The following BMPR1B variants were observed in gnomAD, a reference collection of about 807,000 sequenced individuals.
BMPR1B encodes the protein bone morphogenetic protein receptor type 1B, also known as bone morphogenetic protein receptor type-1B.
BMPR1B carries 12 observed loss-of-function variants against 59.1 expected under a neutral mutation model. The observed-to-expected ratio is 0.20, with a 90% CI of 0.13 to 0.33. BMPR1B has a LOEUF of 0.33. BMPR1B is among the 10% of genes least tolerant of loss of function. The pLI, the probability that BMPR1B is intolerant of heterozygous loss-of-function variation, is 1.00. For missense variants in BMPR1B, 550 were observed against 610.9 expected, an observed-to-expected ratio of 0.90 and a Z score of 1.05; for synonymous variants, 237 against 207.3, an observed-to-expected ratio of 1.14 and a Z score of -1.23.
intron 1 of BMPR1B, among the ~76,000 whole-genome samples, chr4:94,797,781 C>T (rs1723252106): frequency 6.6e-6 from 1 of 152,142 alleles, no homozygotes; most frequent in Admixed American, 6.5e-5. Flanking sequence ...TTAGCAAGTA[C>T]TCTAGATGAT....
At chr4:94,942,542 TA>T (rs1729558011) in intron 2 of BMPR1B, among the ~76,000 whole-genome samples, 1 of 152,110 alleles carries the variant, frequency 6.6e-6, no homozygotes. Flanking sequence ...GGCAGCAAAT[TA>T]AATAAGAGTT....
At chr4:94,832,700 T>C (rs1724648482) in intron 1 of BMPR1B, among the ~76,000 whole-genome samples, 1 of 152,160 alleles carries the variant, frequency 6.6e-6, no homozygotes, top group African/African-American at 2.4e-5. Flanking sequence ...GGAGAATTCC[T>C]TGAACTCAGG....
In BMPR1B at chr4:94,837,368, G is replaced by A. The variant is rs1053150074; in HGVS notation, c.-182-38463G>A. On this transcript the variant is annotated intron_variant, in intron 1 of 12. Transcript: ENST00000515059. ...CCTTGGGCAGTATGGCCATTTTCAC[G>A]ATATTGATTCTTCCTACCCATGAGA... Among the ~76,000 whole-genome samples, 146 of 145,714 alleles carry A rather than the reference G, an allele frequency of 1.0e-3. 4 individuals are homozygous for A. Among genetic ancestry groups the A allele is most frequent in the Non-Finnish European group, 1.9e-3 (124 of 65,676 alleles).
At chr4:95,054,658 G>A (rs1201738810) in intron 3 of BMPR1B, among the ~76,000 whole-genome samples, 1 of 152,116 alleles carries the variant, frequency 6.6e-6, no homozygotes. Flanking sequence ...ATAGTGCAAT[G>A]TGTAAACAGT....
intron 3 of BMPR1B, among the ~76,000 whole-genome samples, chr4:95,060,265 A>G (rs1179956893): frequency 6.6e-6 from 1 of 152,026 alleles, no homozygotes; most frequent in Admixed American, 6.6e-5. Context: ...AATAAAGTTC[A>G]GTTTATTCTT....
At chr4:95,004,384 TA>T (rs1362589640) in intron 3 of BMPR1B, among the ~76,000 whole-genome samples, 1 of 152,208 alleles carries the variant, frequency 6.6e-6, no homozygotes, top group Non-Finnish European at 1.5e-5. Context: ...CTAGAACATT[TA>T]AAATTAAATT....
intron 1 of BMPR1B, among the ~76,000 whole-genome samples, chr4:94,808,027 C>T (rs1439588668): frequency 6.6e-6 from 1 of 151,978 alleles, no homozygotes; most frequent in African/African-American, 2.4e-5. Flanking sequence ...TTTTTTTTTC[C>T]AGTGCAACAT....
At chr4:94,812,088 A>C (rs1723839011) in intron 1 of BMPR1B, among the ~76,000 whole-genome samples, 2 of 152,178 alleles carry the variant, frequency 1.3e-5, no homozygotes, top group Admixed American at 6.5e-5. Flanking sequence ...TCTGCTTGCC[A>C]GAGGACATTG....
intron 4 of BMPR1B, among the ~76,000 whole-genome samples, chr4:95,109,876 A>G (rs1731502426): frequency 9.9e-6 from 1 of 101,202 alleles, no homozygotes; most frequent in Non-Finnish European, 1.9e-5. Flanking sequence ...CCACCCCACA[A>G]CAGTCCCCGG....
At chr4:94,903,232 G>A (rs1383834498) in intron 2 of BMPR1B, among the ~76,000 whole-genome samples, 1 of 152,048 alleles carries the variant, frequency 6.6e-6, no homozygotes, top group East Asian at 1.9e-4. Flanking sequence ...AGCTACCTTT[G>A]TTTGAAAAGT....
At chr4:94,958,303 G>A (rs543357533) in intron 2 of BMPR1B, among the ~76,000 whole-genome samples, 21 of 152,250 alleles carry the variant, frequency 1.4e-4, no homozygotes, top group African/African-American at 4.8e-4. Flanking sequence ...TATACTGTCT[G>A]GGCATATGGC....
intron 2 of BMPR1B, among the ~76,000 whole-genome samples, chr4:94,953,357 G>A (rs769918987): frequency 5.9e-5 from 9 of 152,118 alleles, no homozygotes; most frequent in Non-Finnish European, 1.0e-4. Context: ...TCATAGTGTC[G>A]ACGGTCTTTA....
chr4:95,088,486 G>A (rs1259053114), intron 3 of BMPR1B, among the ~76,000 whole-genome samples: 1 of 151,966 alleles, frequency 6.6e-6, no homozygotes, highest in African/African-American at 2.4e-5. Flanking sequence ...CTAAGACTGG[G>A]GCAAAGAACT....
At chr4:94,783,128 C>T (rs894416864) in intron 1 of BMPR1B, among the ~76,000 whole-genome samples, 7 of 152,134 alleles carry the variant, frequency 4.6e-5, no homozygotes, top group Non-Finnish European at 1.0e-4. Context: ...TCAAGCTGCT[C>T]ACCTCTGTTG....
chr4:95,143,113 T>C (rs1412725380), intron 10 of BMPR1B, among the ~76,000 whole-genome samples: 1 of 152,188 alleles, frequency 6.6e-6, no homozygotes, highest in Non-Finnish European at 1.5e-5. Flanking sequence ...TCAGCCTTTC[T>C]GCACACACAA....
At chr4:94,978,153 ATT>A (rs1057116483) in intron 2 of BMPR1B, among the ~76,000 whole-genome samples, 1 of 151,940 alleles carries the variant, frequency 6.6e-6, no homozygotes, top group African/African-American at 2.4e-5. Context: ...TGTTTTGAGT[ATT>A]TTTTTTATTA....
chr4:94,827,148 G>T (rs1724411185), intron 1 of BMPR1B, among the ~76,000 whole-genome samples: 1 of 151,920 alleles, frequency 6.6e-6, no homozygotes, highest in Non-Finnish European at 1.5e-5. Context: ...CCCCCTCTGT[G>T]TCTCTCTGGT....
chr4:95,047,334 C>G (rs947988813), intron 3 of BMPR1B, among the ~76,000 whole-genome samples: 2 of 152,180 alleles, frequency 1.3e-5, no homozygotes, highest in Admixed American at 6.5e-5. Flanking sequence ...TCATCTTAGT[C>G]TCTGTTGGTT....
At chr4:95,004,056 A>G (rs1187208560) in intron 3 of BMPR1B, among the ~76,000 whole-genome samples, 1 of 152,014 alleles carries the variant, frequency 6.6e-6, no homozygotes, top group Admixed American at 6.6e-5. Context: ...CTAATTGGTT[A>G]CCTGGAATGA....
Sources: gnomAD v4.1 joint callset for allele counts (sites outside exome capture counted in the v4.1 genomes callset) on GRCh38, gnomAD v4.1.1 for gene constraint, MANE v1.5 for transcripts, NCBI Gene and HGNC (gene_info 2026-07-23, HGNC 2026-07-21) for gene names.